KIFAP3: variants seen among roughly 807,000 people sequenced by gnomAD.
KIFAP3 encodes the protein kinesin-associated protein 3.
A neutral mutation model predicts 106.5 loss-of-function variants in KIFAP3; 68 were observed. The ratio of observed to expected loss-of-function variants is 0.64; its 90% CI spans 0.53 to 0.78. KIFAP3 has a LOEUF of 0.78. Ranked by LOEUF, KIFAP3 falls within the 30% of genes least tolerant of loss-of-function variation. KIFAP3 has a pLI of 0.00. For missense variants in KIFAP3, 780 were observed against 941.8 expected (o/e 0.83, Z 2.25); for synonymous variants, 320 against 311.5 (o/e 1.03, Z -0.29).
intron 1 of KIFAP3, among the ~76,000 whole-genome samples, chr1:170,059,893 T>G (rs919603770): frequency 2.0e-5 from 3 of 152,186 alleles, no homozygotes; most frequent in African/African-American, 7.2e-5. Flanking sequence ...ATCCATCATA[T>G]AAACATAACC....
At chr1:169,977,189 T>C (rs1177516150) in intron 16 of KIFAP3, among the ~76,000 whole-genome samples, 1 of 152,204 alleles carries the variant, frequency 6.6e-6, no homozygotes, top group African/African-American at 2.4e-5. Flanking sequence ...TAAATGAATG[T>C]TTAATTATAT....
rs11417586 is a variant in KIFAP3, at chr1:170,017,255, C to CAA, written c.1021-633_1021-632dup. On this transcript the variant is annotated intron_variant, in intron 9 of 19. Transcript: ENST00000361580. ...CTGGTGGCAGAGAGAGAGACTGTCT[C>CAA]AAAAAAAAAAAAAAAAAAAAAAGAG... Among the ~76,000 whole-genome samples, 585 of 69,920 alleles carry CAA rather than the reference C, an allele frequency of 8.4e-3. 7 individuals carry two copies. Among genetic ancestry groups the CAA allele is most frequent in the South Asian group, 0.058 (107 of 1,848 alleles). The allele number at this position is 69,920 out of a possible 152,430, so 45.9% of individuals were successfully genotyped here. A position where few individuals can be genotyped will look rare whatever the true frequency, so the allele number is the denominator to read the frequency against.
chr1:169,973,105 G>GTGTGTGTATATATATATATA (rs145406203), intron 16 of KIFAP3, among the ~76,000 whole-genome samples: 22 of 90,304 alleles, frequency 2.4e-4, no homozygotes, highest in African/African-American at 9.1e-4. Flanking sequence ...AAAATAGTGT[G>GTGTGTGTATATATATATATA]TATATATATA....
At chr1:170,026,099 T>G (rs1394429983) in intron 8 of KIFAP3, among the ~76,000 whole-genome samples, 1 of 152,104 alleles carries the variant, frequency 6.6e-6, no homozygotes, top group African/African-American at 2.4e-5. Context: ...TGGAGTGATG[T>G]AGCTAAAAGC....
At position 169,921,747 on chromosome 1, in the gene KIFAP3, TGCCAACTGGTTG is replaced by T. The variant is rs756691241; in HGVS notation, c.2296_2307del (p.Gln766_Gly769del). The T allele has an allele frequency of 2.5e-6, 4 of 1,613,852 alleles. No individual in the cohort carries two copies. Among genetic ancestry groups the T allele is most frequent in the Non-Finnish European group, 3.4e-6 (4 of 1,179,848 alleles). The stretch of plus-strand genomic sequence containing the variant: ...TATGCTGTGGCAGGGCGTCCAAGAA[TGCCAACTGGTTG>T]GCCAAAGCCATCCATTCCAAGGCTA... On this transcript the variant is annotated inframe_deletion, in exon 20 of 20. Coordinates refer to ENST00000361580, the MANE Select transcript of KIFAP3 (RefSeq NM_014970.4).
chr1:169,971,142 T>C (rs979421814), intron 17 of KIFAP3, among the ~76,000 whole-genome samples: 1 of 152,040 alleles, frequency 6.6e-6, no homozygotes, highest in Non-Finnish European at 1.5e-5. Context: ...AATCTGTAAA[T>C]CTAAACATTA....
At chr1:169,953,766 G>A (rs1029729509) in intron 19 of KIFAP3, among the ~76,000 whole-genome samples, 2 of 152,108 alleles carry the variant, frequency 1.3e-5, no homozygotes, top group South Asian at 2.1e-4. Context: ...TGCCTGCCTC[G>A]GCCTCCCAAA....
chr1:169,936,859 C>T (rs1019431809), intron 19 of KIFAP3, among the ~76,000 whole-genome samples: 2 of 150,906 alleles, frequency 1.3e-5, no homozygotes, highest in African/African-American at 4.8e-5. Flanking sequence ...GATGTTTATT[C>T]TGCTGGAAAT....
chr1:169,993,348 G>C (rs753048187), intron 10 of KIFAP3, among the ~76,000 whole-genome samples: 1 of 151,308 alleles, frequency 6.6e-6, no homozygotes, highest in Non-Finnish European at 1.5e-5. Context: ...TTGACCTCAT[G>C]ATCTGCCCAC....
intron 3 of KIFAP3, among the ~76,000 whole-genome samples, chr1:170,040,950 T>C (rs1318226740): frequency 6.6e-6 from 1 of 151,878 alleles, no homozygotes; most frequent in Non-Finnish European, 1.5e-5. Context: ...CTCAGCCTCC[T>C]GAGTAGCTGG....
At chr1:169,990,393 G>A (rs1667035177) in intron 11 of KIFAP3, among the ~76,000 whole-genome samples, 1 of 150,950 alleles carries the variant, frequency 6.6e-6, no homozygotes, top group African/African-American at 2.4e-5. Context: ...CTTTAGAGTA[G>A]TGCATACCTT....
intron 10 of KIFAP3, among the ~76,000 whole-genome samples, chr1:169,995,123 TGTTAGATTTTAAC>T (rs1002806227): frequency 6.6e-6 from 1 of 152,140 alleles, no homozygotes; most frequent in African/African-American, 2.4e-5. Flanking sequence ...TCAATTTTAA[TGTTAGATTTTAAC>T]AGACCACATT....
At chr1:169,987,715 T>A (rs1167617932) in intron 11 of KIFAP3, among the ~76,000 whole-genome samples, 3 of 152,072 alleles carry the variant, frequency 2.0e-5, no homozygotes, top group Non-Finnish European at 2.9e-5. Context: ...TGTGGATCAC[T>A]ATGAAGATTC....
intron 10 of KIFAP3, among the ~76,000 whole-genome samples, chr1:170,009,302 C>G (rs980782946): frequency 6.6e-6 from 1 of 151,922 alleles, no homozygotes; most frequent in African/African-American, 2.4e-5. Flanking sequence ...AAATTTGGAA[C>G]ATTACTTAAT....
chr1:169,942,304 T>G (rs1333736865), intron 19 of KIFAP3, among the ~76,000 whole-genome samples: 3 of 152,196 alleles, frequency 2.0e-5, no homozygotes, highest in East Asian at 3.9e-4. Context: ...TAAAAAGGAT[T>G]AAAATAAACT....
At chr1:169,934,339 A>C (rs1011159308) in intron 19 of KIFAP3, among the ~76,000 whole-genome samples, 1 of 152,190 alleles carries the variant, frequency 6.6e-6, no homozygotes, top group Admixed American at 6.6e-5. Flanking sequence ...TATTCAATCA[A>C]AACCCTTTAG....
chr1:169,963,587 G>T lies in KIFAP3; in HGVS notation c.1984-2352C>A, dbSNP rs1014316874. Among the ~76,000 whole-genome samples, 3 of 152,052 alleles carry T rather than the reference G, an allele frequency of 2.0e-5. No homozygotes were observed. In the South Asian group the frequency reaches 6.2e-4, roughly 32 times the overall value. On this transcript the variant is annotated intron_variant, in intron 17 of 19. Transcript: ENST00000361580. ...AGCTCACTGAAACCTCTGCCTCCTG[G>T]GTTAAAGTGGTTCTTGTGCCTCAGC... is the stretch of plus-strand genomic sequence containing the variant.
At position 170,034,386 on chromosome 1, in the gene KIFAP3, T is replaced by C; in HGVS notation, c.728A>G (p.Lys243Arg). ...RHELWQEELS[K>R]KKKAVDEDPE... The stretch of plus-strand genomic sequence containing the variant: ...TAAAAGGATATCAGCTTTCTTCTTC[T>C]TTGAGAGTTCTTCTTGCCAAAGCTC... Residue 243 changes from lysine (K) to arginine (R), a missense_variant, in exon 7 of 20, where the codon AAG becomes AGG. By Grantham distance (26) the Lys-to-Arg change is conservative (BLOSUM62 2). This residue lies in a region of KIFAP3 where 588 missense variants were observed against 678.9 expected (regional missense o/e 0.87). Coordinates refer to ENST00000361580, the MANE Select transcript of KIFAP3 (RefSeq NM_014970.4). 6.2e-7 allele frequency: 1 copy of C among 1,606,002 alleles called. No homozygotes were observed. The highest frequency in any genetic ancestry group is 1.1e-5 in the South Asian group (1 of 88,872).
intron 17 of KIFAP3, among the ~76,000 whole-genome samples, chr1:169,965,749 A>G (rs913541022): frequency 2.6e-5 from 4 of 152,004 alleles, no homozygotes; most frequent in African/African-American, 9.7e-5. Context: ...ACGAGCTTAC[A>G]TCATTATTCT....
Sources: allele counts gnomAD v4.1 joint callset (sites outside exome capture counted in the v4.1 genomes callset), GRCh38; gene constraint gnomAD v4.1.1; regional missense constraint gnomAD v4.1.1; transcripts MANE v1.5; gene names NCBI Gene and HGNC (gene_info 2026-07-23, HGNC 2026-07-21).